Variants in ZNF90 observed in about 807,000 individuals in gnomAD.
The protein encoded by ZNF90 is zinc finger protein 90, also known as zinc finger protein HTF9.
In ZNF90, 11 loss-of-function variants were observed where a neutral mutation model predicts 12.0. The ratio of observed to expected loss-of-function variants is 0.92; its 90% CI spans 0.58 to 1.52. ZNF90 has a LOEUF of 1.52. Among genes scored for constraint, ZNF90 ranks in the 40% most tolerant of loss-of-function variants. The probability of loss-of-function intolerance (pLI) is 0.00; values close to 1 mark genes in which losing one functional copy is unlikely to be tolerated. For missense variants in ZNF90, 765 were observed against 711.5 expected, an observed-to-expected ratio of 1.08 and a Z score of -0.86; for synonymous variants, 232 against 240.1, an observed-to-expected ratio of 0.97 and a Z score of 0.31.
Position 20,120,472 on chromosome 19 carries a change from TTA to T in ZNF90, c.*1114_*1115del, listed in dbSNP as rs1250601532. ...CCAGCTTTGTTCAACAACAGGGAAT[TTA>T]TGTTAGAGAAGAATCCTGCAAATGT... On this transcript the variant is annotated 3_prime_UTR_variant, in exon 4 of 4. Coordinates refer to ENST00000418063, the MANE Select transcript of ZNF90 (RefSeq NM_007138.2). 3.6e-4 allele frequency among the ~76,000 whole-genome samples: 55 copies of T among 152,286 alleles called. No individual in the cohort carries two copies. Among genetic ancestry groups the T allele is most frequent in the African/African-American group, 1.3e-3 (54 of 41,560 alleles).
At chr19:20,115,394 CTT>C (rs1324887109) in intron 3 of ZNF90, among the ~76,000 whole-genome samples, 1 of 145,420 alleles carries the variant, frequency 6.9e-6, no homozygotes, top group African/African-American at 2.6e-5. Context: ...ATTCTTGTAT[CTT>C]TGTCTCTCAT....
In ZNF90 at chr19:20,105,238, C is replaced by T. The variant is rs1448980832; in HGVS notation, c.148C>T (p.Pro50Ser). 2.5e-6 allele frequency: 4 copies of T among 1,603,196 alleles called. No individual in the cohort carries two copies. The African/African-American group carries it at 4.0e-5, about 16-fold the overall frequency. Residue 50 changes from proline (P) to serine (S), a missense_variant, in exon 3 of 4, where the codon CCA becomes TCA. By Grantham distance (74) the Pro-to-Ser change is moderately conservative. Transcript: ENST00000418063. ...LVFLGIVVTK[P>S]DLITCLEQGK... ...TAAAACAGGTATTGTTGTCACTAAGCCAGACCTGATCACCTGTCTGGAGCA... is the reference window on the plus strand; with the variant it reads ...TAAAACAGGTATTGTTGTCACTAAGTCAGACCTGATCACCTGTCTGGAGCA...
rs1599649334 is a variant in ZNF90, at chr19:20,105,423, A to C, written c.226+107A>C. The C allele has an allele frequency of 3.4e-6, 3 of 876,848 alleles. No homozygotes were observed. The East Asian group carries it at 9.1e-5, about 26-fold the overall frequency. The allele number at this position is 876,848 out of a possible 1,614,324, so 54.3% of individuals were successfully genotyped here. A position where few individuals can be genotyped will look rare whatever the true frequency, so the allele number is the denominator to read the frequency against. On this transcript the variant is annotated intron_variant, in intron 3 of 3. Transcript: ENST00000418063. The stretch of plus-strand genomic sequence containing the variant: ...TGATTTAGGAAGCTGTGTTCCAAAG[A>C]GAATAGTTCCTGGGATTCTGTTTTT...
At chr19:20,091,826 C>T (rs782213993) in intron 1 of ZNF90, among the ~76,000 whole-genome samples, 18 of 151,472 alleles carry the variant, frequency 1.2e-4, no homozygotes, top group Non-Finnish European at 2.4e-4. Flanking sequence ...GATATTGATG[C>T]GTAGTCCTTT....
At chr19:20,111,774 A>G (rs940313802) in intron 3 of ZNF90, among the ~76,000 whole-genome samples, 3 of 152,176 alleles carry the variant, frequency 2.0e-5, no homozygotes, top group African/African-American at 7.2e-5. Context: ...AAGAACTTCA[A>G]TTGAATACAA....
chr19:20,079,746 T>C, intron 1 of ZNF90: 1 of 216,836 alleles, frequency 4.6e-6, no homozygotes, highest in Non-Finnish European at 9.5e-6. Context: ...GGGAGGCATA[T>C]AAGCTTAAGA....
At chr19:20,106,738 C>G (rs1417961079) in intron 3 of ZNF90, among the ~76,000 whole-genome samples, 1 of 152,188 alleles carries the variant, frequency 6.6e-6, no homozygotes, top group African/African-American at 2.4e-5. Context: ...CAGGCGTGAG[C>G]CACTGCGCCC....
At chr19:20,108,130 T>C (rs2089055410) in intron 3 of ZNF90, among the ~76,000 whole-genome samples, 1 of 141,782 alleles carries the variant, frequency 7.1e-6, no homozygotes, top group Admixed American at 7.0e-5. Flanking sequence ...CATTTGTTTT[T>C]TAACAAATCT....
intron 1 of ZNF90, chr19:20,079,890 G>C (rs952125765): frequency 2.3e-5 from 9 of 399,384 alleles, no homozygotes; most frequent in Non-Finnish European, 4.3e-5. Flanking sequence ...CTGCTCCTTC[G>C]GGAGACTGCT....
At chr19:20,087,854 G>C (rs1262977284) in intron 1 of ZNF90, among the ~76,000 whole-genome samples, 1 of 152,150 alleles carries the variant, frequency 6.6e-6, no homozygotes, top group Non-Finnish European at 1.5e-5. Context: ...TAAAGTCAAA[G>C]GGGGTTTGTT....
At chr19:20,092,192 C>T (rs62107002) in intron 1 of ZNF90, among the ~76,000 whole-genome samples, 24,571 of 151,876 alleles carry the variant, frequency 0.16, 2,219 homozygotes, top group Middle Eastern at 0.21. Flanking sequence ...CAGAAGGAGC[C>T]GGGGAGCAGA....
At chr19:20,111,250 G>A (rs1265338375) in intron 3 of ZNF90, among the ~76,000 whole-genome samples, 1 of 151,940 alleles carries the variant, frequency 6.6e-6, no homozygotes, top group East Asian at 1.9e-4. Context: ...CTTTATTTTT[G>A]AGATAGGGTC....
chr19:20,115,726 T>C (rs79781447), intron 3 of ZNF90, among the ~76,000 whole-genome samples: 1 of 152,252 alleles, frequency 6.6e-6, no homozygotes, highest in African/African-American at 2.4e-5. Context: ...CATTTTTCTT[T>C]TGATAAATTT....
At chr19:20,085,266 G>GTCTTTTTTTTT (rs1176054932) in intron 1 of ZNF90, among the ~76,000 whole-genome samples, 3 of 73,526 alleles carry the variant, frequency 4.1e-5, no homozygotes, top group African/African-American at 1.4e-4. Context: ...TGTTGCATTG[G>GTCTTTTTTTTT]TCTTTTTTTT....
At chr19:20,088,750 G>A (rs1183097775) in intron 1 of ZNF90, among the ~76,000 whole-genome samples, 1 of 152,226 alleles carries the variant, frequency 6.6e-6, no homozygotes, top group Non-Finnish European at 1.5e-5. Flanking sequence ...TTTGTGATAT[G>A]TCTGTGATGC....
At chr19:20,097,341 G>A (rs781959939) in intron 1 of ZNF90, among the ~76,000 whole-genome samples, 3 of 152,146 alleles carry the variant, frequency 2.0e-5, no homozygotes, top group Non-Finnish European at 4.4e-5. Context: ...ACTGACACTT[G>A]TGCAGCACAG....
In ZNF90 at chr19:20,108,081, A is replaced by G. The variant is rs558925671; in HGVS notation, c.226+2765A>G. Among the ~76,000 whole-genome samples, 8 of 152,270 alleles carry G rather than the reference A, an allele frequency of 5.3e-5. No homozygotes were observed. The South Asian group carries it at 1.7e-3, about 32-fold the overall frequency. On this transcript the variant is annotated intron_variant, in intron 3 of 3. Transcript: ENST00000418063. ...CTCTTTTCTTCTAAAGTTGGATTAC[A>G]GCAGTTGCGTTTTGTGTAAGAATAC... is the stretch of plus-strand genomic sequence containing the variant.
Position 20,078,053 on chromosome 19 carries a change from T to C in ZNF90, c.-80T>C. 6.3e-7 allele frequency: 1 copy of C among 1,595,930 alleles called. No individual in the cohort carries two copies. ...CAAATCTGGTCTTAGCTGCTTCGTGTCTTCTTCTCCAGCCTCTGTGGCCCT... is the reference window on the plus strand; with the variant it reads ...CAAATCTGGTCTTAGCTGCTTCGTGCCTTCTTCTCCAGCCTCTGTGGCCCT... On this transcript the variant is annotated 5_prime_UTR_variant, in exon 1 of 4. Coordinates refer to ENST00000418063, the MANE Select transcript of ZNF90 (RefSeq NM_007138.2).
Position 20,089,732 on chromosome 19 carries a change from T to G in ZNF90, c.3+11597T>G, listed in dbSNP as rs1304835573. Reference sequence around the variant, plus strand: ...CCTGTCCAGAAAGTAAATGAGTTCTTCAGGAGGGTAAAGTTGAGGGCTGTT... The same window carrying G: ...CCTGTCCAGAAAGTAAATGAGTTCTGCAGGAGGGTAAAGTTGAGGGCTGTT... On this transcript the variant is annotated intron_variant, in intron 1 of 3. Transcript: ENST00000418063. 2.0e-5 allele frequency among the ~76,000 whole-genome samples: 3 copies of G among 152,264 alleles called. No individual in the cohort carries two copies. In the South Asian group the frequency reaches 6.2e-4, roughly 32 times the overall value.
Sources: allele counts gnomAD v4.1 joint callset (sites outside exome capture counted in the v4.1 genomes callset), GRCh38; gene constraint gnomAD v4.1.1; transcripts MANE v1.5; gene names NCBI Gene and HGNC (gene_info 2026-07-23, HGNC 2026-07-21).